The following MTOR variants were observed in gnomAD, a reference collection of about 807,000 sequenced individuals.
MTOR encodes the protein serine/threonine-protein kinase mTOR.
A neutral mutation model predicts 319.8 loss-of-function variants in MTOR; 70 were observed. The ratio of observed to expected loss-of-function variants is 0.22; its 90% CI spans 0.18 to 0.27. MTOR has a LOEUF of 0.27. MTOR is among the 10% of genes least tolerant of loss of function. MTOR has a pLI of 1.00. For synonymous variants in MTOR, 1,183 were observed against 1,211.4 expected, an observed-to-expected ratio of 0.98 and a Z score of 0.49; for missense variants, 1,890 against 3,274.4, an observed-to-expected ratio of 0.58 and a Z score of 10.32.
intron 31 of MTOR, 110 bp downstream of exon 31, chr1:11,150,016 C>T: frequency 1.2e-6 from 1 of 824,782 alleles, no homozygotes; most frequent in Non-Finnish European, 1.9e-6. Flanking sequence ...CCATTTTTAC[C>T]CTTCCATAGA....
rs1161527395 is a variant in MTOR at position 11,115,056 on chromosome 1, A to G, written c.7090-169T>C. 6.6e-6 allele frequency among the ~76,000 whole-genome samples: 1 copy of G among 152,056 alleles called. No homozygotes were observed. The highest frequency in any genetic ancestry group is 2.4e-5 in the African/African-American group (1 of 41,396). Reference sequence around the variant, plus strand: ...ACTTGTCACAGGGATTTGAAAGACAACTTAAAAAAAAAAAGAAACGAACAA... The same window carrying G: ...ACTTGTCACAGGGATTTGAAAGACAGCTTAAAAAAAAAAAGAAACGAACAA... On this transcript the variant is annotated intron_variant, in intron 51 of 57. Transcript: ENST00000361445. The surrounding 1 kb of genome is among the most constrained non-coding windows in gnomAD (Gnocchi z 4.5).
Position 11,258,533 on chromosome 1 carries a change from C to T in MTOR, c.223G>A (p.Val75Ile). Residue 75 changes from valine to isoleucine, a missense_variant, in exon 3 of 58, where the codon GTT (valine) becomes ATT (isoleucine). Physicochemically the swap from Val to Ile is conservative, Grantham distance 29. Transcript: ENST00000361445. Reference sequence around the variant, plus strand: ...CTCTCATTGGCATCTGAGCTGGAAACCAATTCAAAAATGTGATGGTTCAGT... The same window carrying T: ...CTCTCATTGGCATCTGAGCTGGAAATCAATTCAAAAATGTGATGGTTCAGT... ...DQLNHHIFELVSSSDANERKG... is the reference protein window; with the variant it reads ...DQLNHHIFELISSSDANERKG... 6.2e-7 allele frequency: 1 copy of T among 1,614,054 alleles called. No individual in the cohort carries two copies. Among genetic ancestry groups the T allele is most frequent in the South Asian group, 1.1e-5 (1 of 91,082 alleles).
intron 6 of MTOR, among the ~76,000 whole-genome samples, chr1:11,252,729 G>C (rs563326061): frequency 6.6e-6 from 1 of 152,104 alleles, no homozygotes; most frequent in Non-Finnish European, 1.5e-5. Context: ...AGGAATCCCC[G>C]GGGTAAAATT....
chr1:11,234,778 C>G (rs1430012098), intron 13 of MTOR, among the ~76,000 whole-genome samples: 1 of 152,076 alleles, frequency 6.6e-6, no homozygotes, highest in Non-Finnish European at 1.5e-5. Flanking sequence ...CTAGATAAAC[C>G]TCAATAGGTG....
intron 29 of MTOR, among the ~76,000 whole-genome samples, chr1:11,165,105 A>G (rs1399198789): frequency 6.6e-6 from 1 of 152,196 alleles, no homozygotes; most frequent in Non-Finnish European, 1.5e-5. Flanking sequence ...TCTCAAAATA[A>G]TAAGAGATAT....
chr1:11,166,827 A>G (rs903507255), intron 29 of MTOR, among the ~76,000 whole-genome samples: 1 of 152,224 alleles, frequency 6.6e-6, no homozygotes, highest in African/African-American at 2.4e-5. Flanking sequence ...TCACAATAGC[A>G]AAGACTTGGA....
At chr1:11,132,390 T>C (rs1355268035) in intron 38 of MTOR, 1 of 152,288 alleles carries the variant, frequency 6.6e-6, no homozygotes, top group Non-Finnish European at 1.5e-5. Flanking sequence ...TAAGTGCTTC[T>C]GCAGTCCTCA....
At chr1:11,238,188 C>T in intron 12 of MTOR, 140 bp from the exon 13 acceptor site, 2 of 957,506 alleles carry the variant, frequency 2.1e-6, no homozygotes, top group Non-Finnish European at 3.1e-6. Flanking sequence ...ATTCTTTTCT[C>T]TACTCACAAG....
chr1:11,164,354 AGAG>A (rs1219891901), intron 29 of MTOR, among the ~76,000 whole-genome samples: 11 of 148,736 alleles, frequency 7.4e-5, no homozygotes, highest in South Asian at 2.1e-4. Flanking sequence ...AAAAAAAAAA[AGAG>A]AGAGAGAGAG....
chr1:11,247,386 G>C (rs1394864418), intron 8 of MTOR, among the ~76,000 whole-genome samples: 1 of 152,076 alleles, frequency 6.6e-6, no homozygotes, highest in African/African-American at 2.4e-5. Context: ...GAACTTGTTG[G>C]CATCCATACA....
chr1:11,257,128 T>A lies in MTOR; in HGVS notation c.309A>T (p.Arg103=). The A allele has an allele frequency of 6.2e-7, 1 of 1,613,710 alleles. No individual in the cohort carries two copies. The highest frequency in any genetic ancestry group is 8.5e-7 in the Non-Finnish European group (1 of 1,179,874). The change falls in exon 4 of 58, where the codon CGA becomes CGT. Residue 103 remains arginine (R), a synonymous_variant. Transcript: ENST00000361445. ...LIGVEGGNAT[R]IGRFANYLRN... ...GAAGATAGTTGGCAAATCTGCCAAT[T>A]CGGGTGGCATTCCCACCTTCCACTC...
rs1408949776 is a variant in MTOR, at chr1:11,184,337, C to T, written c.4253+14921G>A. 2.0e-5 allele frequency among the ~76,000 whole-genome samples: 3 copies of T among 152,170 alleles called. No homozygotes were observed. The East Asian group carries it at 5.8e-4, about 29-fold the overall frequency. On this transcript the variant is annotated intron_variant, in intron 28 of 57. Transcript: ENST00000361445. The stretch of plus-strand genomic sequence containing the variant: ...AAGAACTCAAGTGCTATATGTACTA[C>T]CTCCTTAATCCTAATGCCAAATGAC...
At chr1:11,227,016 G>A (rs544194477) in intron 19 of MTOR, among the ~76,000 whole-genome samples, 31 of 134,738 alleles carry the variant, frequency 2.3e-4, no homozygotes, top group Admixed American at 9.0e-5. Context: ...TAAGAATTCC[G>A]GCCAGGCGTG....
chr1:11,238,306 G>C (rs756102672), intron 12 of MTOR, 96 bp downstream of exon 12: 1 of 1,322,976 alleles, frequency 7.6e-7, no homozygotes, highest in Non-Finnish European at 1.1e-6. Context: ...TTTTTGAGCC[G>C]AAGAACTCTA....
chr1:11,252,225 C>T (rs116059966), intron 6 of MTOR, among the ~76,000 whole-genome samples: 1,808 of 152,046 alleles, frequency 0.012, 49 homozygotes, highest in African/African-American at 0.041. Flanking sequence ...ATATTTGTTG[C>T]ACTGTATTTT....
intron 28 of MTOR, among the ~76,000 whole-genome samples, chr1:11,172,620 C>T (rs113929218): frequency 0.029 from 4,363 of 150,476 alleles, 164 homozygotes; most frequent in Admixed American, 0.069. Flanking sequence ...CCTATAACCC[C>T]AGCACTGTGG....
chr1:11,141,453 C>T (rs1018103025), intron 34 of MTOR, among the ~76,000 whole-genome samples: 2 of 152,054 alleles, frequency 1.3e-5, no homozygotes, highest in African/African-American at 2.4e-5. Flanking sequence ...ACTGCAACCT[C>T]TGCCTCCAAG....
At chr1:11,187,812 A>C (rs1289459684) in intron 28 of MTOR, among the ~76,000 whole-genome samples, 2 of 152,216 alleles carry the variant, frequency 1.3e-5, no homozygotes, top group Non-Finnish European at 2.9e-5. Context: ...ATTTGCAAAA[A>C]GAGAGCAGAC....
chr1:11,255,929 A>G, intron 5 of MTOR, 63 bp downstream of exon 5: 1 of 1,507,024 alleles, frequency 6.6e-7, no homozygotes, highest in Non-Finnish European at 9.1e-7. Flanking sequence ...GCTGCCCTTT[A>G]GGCCAGGTGA....
Sources: allele counts gnomAD v4.1 joint callset (sites outside exome capture counted in the v4.1 genomes callset), GRCh38; gene constraint gnomAD v4.1.1; non-coding constraint Gnocchi (gnomAD v3.1); transcripts MANE v1.5; gene names NCBI Gene and HGNC (gene_info 2026-07-23, HGNC 2026-07-21).